Variants in KIT observed in about 807,000 individuals in gnomAD.
KIT encodes mast/stem cell growth factor receptor Kit.
KIT carries 16 observed loss-of-function variants against 105.7 expected under a neutral mutation model. The observed-to-expected ratio is 0.15, with a 90% confidence interval of 0.10 to 0.23. The LOEUF is 0.23. Among genes scored for constraint, KIT ranks in the 10% least tolerant of loss-of-function variants. KIT has a pLI of 1.00. For synonymous variants in KIT, 438 were observed against 441.1 expected (o/e 0.99, Z 0.09); for missense variants, 858 against 1,213.8 (o/e 0.71, Z 4.36).
At chr4:54,669,213 C>G (rs907428643) in intron 1 of KIT, among the ~76,000 whole-genome samples, 5 of 47,802 alleles carry the variant, frequency 1.0e-4, no homozygotes, top group Admixed American at 2.6e-4. Context: ...AAAAGAGGAC[C>G]CCCCCCCCTT....
At chr4:54,707,056 T>C in intron 5 of KIT, 42 bp from the exon 6 acceptor site, 3 of 1,154,008 alleles carry the variant, frequency 2.6e-6, no homozygotes, top group Non-Finnish European at 3.9e-6. Flanking sequence ...GTCCAGTAGT[T>C]GTAGATAATG....
intron 1 of KIT, 142 bp downstream of exon 1, chr4:54,658,223 A>G (rs1577899038): frequency 1.2e-6 from 1 of 844,166 alleles, no homozygotes; most frequent in East Asian, 2.6e-5. Context: ...GGGAGACTCC[A>G]GGTGGCCCTC....
chr4:54,711,151 G>A (rs1721137806), intron 7 of KIT, among the ~76,000 whole-genome samples: 1 of 152,170 alleles, frequency 6.6e-6, no homozygotes, highest in Non-Finnish European at 1.5e-5. Flanking sequence ...AAAGCACTGG[G>A]ATTACAGGAG....
At chr4:54,658,768 G>A (rs192898777) in intron 1 of KIT, among the ~76,000 whole-genome samples, 2,226 of 152,236 alleles carry the variant, frequency 0.015, 55 homozygotes, top group African/African-American at 0.051. Flanking sequence ...ACTCCCGCGA[G>A]CCTGGAGGTG....
chr4:54,722,881 AT>A (rs1217341219), intron 7 of KIT, among the ~76,000 whole-genome samples: 2 of 135,508 alleles, frequency 1.5e-5, no homozygotes, highest in Non-Finnish European at 3.0e-5. Flanking sequence ...ATATTTATAT[AT>A]ATGTATTTAT....
At chr4:54,668,073 A>G (rs1717829641) in intron 1 of KIT, among the ~76,000 whole-genome samples, 1 of 152,224 alleles carries the variant, frequency 6.6e-6, no homozygotes, top group Admixed American at 6.5e-5. Flanking sequence ...TCATTGAAGC[A>G]AAGATAGCAA....
At chr4:54,685,845 G>A (rs1318451397) in intron 1 of KIT, among the ~76,000 whole-genome samples, 1 of 152,188 alleles carries the variant, frequency 6.6e-6, no homozygotes, top group African/African-American at 2.4e-5. Context: ...CACATCACTT[G>A]TTTTGAGCCC....
intron 4 of KIT, among the ~76,000 whole-genome samples, chr4:54,700,998 A>G (rs1187847243): frequency 6.6e-6 from 1 of 152,270 alleles, no homozygotes. Context: ...TTGGCTTTCT[A>G]TAATCCTTGA....
In KIT at chr4:54,731,957, T is replaced by C. The variant is rs2109795750; in HGVS notation, c.2320T>C (p.Tyr774His). 1 of 1,613,760 alleles carries C rather than the reference T, an allele frequency of 6.2e-7. No homozygotes were observed. ...CTTAGAAGACTTGCTGAGCTTTTCTTACCAGGTGGCAAAGGGCATGGCTTT... is the reference window on the plus strand; with the variant it reads ...CTTAGAAGACTTGCTGAGCTTTTCTCACCAGGTGGCAAAGGGCATGGCTTT... ...LDLEDLLSFS[Y>H]QVAKGMAFLA... is the part of the protein sequence containing the mutation. Residue 774 changes from tyrosine to histidine, a missense_variant, in exon 16 of 21, where the codon TAC (tyrosine) becomes CAC (histidine). By Grantham distance (83) the Tyr-to-His change is moderately conservative. Coordinates refer to ENST00000288135, the MANE Select transcript of KIT (RefSeq NM_000222.3).
In KIT at chr4:54,729,427, G is replaced by A. The variant is rs1277986442; in HGVS notation, c.2083G>A (p.Glu695Lys). The A allele has an allele frequency of 6.2e-7, 1 of 1,613,724 alleles. No individual in the cohort carries two copies. The highest frequency in any genetic ancestry group is 8.5e-7 in the Non-Finnish European group (1 of 1,179,794). The change falls in exon 14 of 21, where the codon GAA becomes AAA. Residue 695 changes from glutamate (E) to lysine (K), a missense_variant. Physicochemically the swap from Glu to Lys is moderately conservative, Grantham distance 56. Coordinates refer to ENST00000288135, the MANE Select transcript of KIT (RefSeq NM_000222.3). ...TGATTCATTTATTTGTTCAAAGCAG[G>A]AAGATCATGCAGAAGCTGCACTTTA... is the stretch of plus-strand genomic sequence containing the variant. ...KRDSFICSKQ[E>K]DHAEAALYKN...
Position 54,738,980 on chromosome 4 carries a change from G to A in KIT, c.*423G>A. The A allele has an allele frequency of 2.0e-6, 1 of 502,186 alleles. No individual in the cohort carries two copies. Among genetic ancestry groups the A allele is most frequent in the South Asian group, 4.4e-5 (1 of 22,710 alleles). 31.1% of individuals were successfully genotyped at this position (502,186 alleles called of 1,614,324 possible). On this transcript the variant is annotated 3_prime_UTR_variant, in exon 21 of 21. Coordinates refer to ENST00000288135, the MANE Select transcript of KIT (RefSeq NM_000222.3). The stretch of plus-strand genomic sequence containing the variant: ...ACAAGATTAGAAGCTGAAAACCTAA[G>A]TCCTTTATGTGGAAAACAGAACATC...
In KIT at chr4:54,731,936, G is replaced by A. The variant is rs2109795546; in HGVS notation, c.2299G>A (p.Glu767Lys). 1.2e-6 allele frequency: 2 copies of A among 1,613,636 alleles called. No individual in the cohort carries two copies. The highest frequency in any genetic ancestry group is 1.7e-6 in the Non-Finnish European group (2 of 1,179,724). Residue 767 changes from glutamate to lysine, a missense_variant, in exon 16 of 21, where the codon GAA becomes AAA. Physicochemically the swap from Glu to Lys is moderately conservative, Grantham distance 56. Coordinates refer to ENST00000288135, the MANE Select transcript of KIT (RefSeq NM_000222.3). Reference protein sequence around the residue: ...MEDDELALDLEDLLSFSYQVA... With the variant: ...MEDDELALDLKDLLSFSYQVA... ...GGATGACGAGTTGGCCCTAGACTTA[G>A]AAGACTTGCTGAGCTTTTCTTACCA...
At chr4:54,714,608 T>A (rs1721350467) in intron 7 of KIT, among the ~76,000 whole-genome samples, 1 of 152,240 alleles carries the variant, frequency 6.6e-6, no homozygotes, top group African/African-American at 2.4e-5. Context: ...ATGGTTGATA[T>A]GATAAACCAG....
At chr4:54,663,563 A>T (rs1368105441) in intron 1 of KIT, among the ~76,000 whole-genome samples, 1 of 149,614 alleles carries the variant, frequency 6.7e-6, no homozygotes. Context: ...AATTAGTGGT[A>T]ATGCATGTTT....
chr4:54,704,031 T>C, intron 5 of KIT, 139 bp downstream of exon 5: 1 of 810,330 alleles, frequency 1.2e-6, no homozygotes, highest in Non-Finnish European at 2.1e-6. Flanking sequence ...AAATTATCCT[T>C]GTAGCCTCTT....
At chr4:54,727,720 A>G in intron 11 of KIT, 103 bp from the exon 12 acceptor site, 1 of 1,293,272 alleles carries the variant, frequency 7.7e-7, no homozygotes, top group Non-Finnish European at 1.1e-6. Context: ...TCTCTGGACA[A>G]CATTGTTTTT....
At chr4:54,723,778 G>A in intron 8 of KIT, 80 bp downstream of exon 8, 1 of 952,340 alleles carries the variant, frequency 1.1e-6, no homozygotes, top group Admixed American at 1.8e-5. Flanking sequence ...TATGTTTTCT[G>A]ATTTTTTTTA....
At chr4:54,701,855 CT>C (rs1720472074) in intron 4 of KIT, among the ~76,000 whole-genome samples, 2 of 152,318 alleles carry the variant, frequency 1.3e-5, no homozygotes, top group Admixed American at 1.3e-4. Flanking sequence ...GCTCTTACAT[CT>C]TCTTGACAAT....
chr4:54,700,505 ACT>A (rs1173119256), intron 4 of KIT, among the ~76,000 whole-genome samples: 1 of 152,182 alleles, frequency 6.6e-6, no homozygotes, highest in Non-Finnish European at 1.5e-5. Flanking sequence ...GAGTTTTTAC[ACT>A]GTCTTAATTT....
Sources: gnomAD v4.1 joint callset for allele counts (sites outside exome capture counted in the v4.1 genomes callset) on GRCh38, gnomAD v4.1.1 for gene constraint, MANE v1.5 for transcripts, NCBI Gene and HGNC (gene_info 2026-07-23, HGNC 2026-07-21) for gene names.